Variants in ITPR2 observed in about 807,000 individuals in gnomAD.
ITPR2 encodes the protein inositol 1,4,5-trisphosphate receptor type 2, also known as inositol 1,4,5-trisphosphate-gated calcium channel ITPR2.
In ITPR2, 207 loss-of-function variants were observed where a neutral mutation model predicts 317.1. The observed-to-expected ratio is 0.65, with a 90% CI of 0.58 to 0.73. The LOEUF is 0.73. ITPR2 is among the 30% of genes least tolerant of loss of function. The pLI, the probability that ITPR2 is intolerant of heterozygous loss-of-function variation, is 0.00. For missense variants in ITPR2, 2,613 were observed against 3,284.0 expected, an observed-to-expected ratio of 0.80 and a Z score of 4.99; for synonymous variants, 1,156 against 1,149.1, an observed-to-expected ratio of 1.01 and a Z score of -0.12.
intron 55 of ITPR2, among the ~76,000 whole-genome samples, chr12:26,378,611 G>A (rs1235730109): frequency 6.6e-6 from 1 of 152,200 alleles, no homozygotes. Flanking sequence ...GATTTGCACA[G>A]TCATTTCTGG....
chr12:26,416,247 T>C (rs547682769), intron 50 of ITPR2, among the ~76,000 whole-genome samples: 4 of 152,314 alleles, frequency 2.6e-5, no homozygotes, highest in African/African-American at 9.6e-5. Flanking sequence ...AAGCTATGTG[T>C]TTGCAATCTG....
intron 45 of ITPR2, among the ~76,000 whole-genome samples, chr12:26,457,024 C>T (rs1941905548): frequency 6.6e-6 from 1 of 152,140 alleles, no homozygotes; most frequent in Admixed American, 6.5e-5. Context: ...CCAAATAATG[C>T]TCTAGGCTTT....
At chr12:26,482,932 G>T (rs964639211) in intron 42 of ITPR2, among the ~76,000 whole-genome samples, 4 of 152,154 alleles carry the variant, frequency 2.6e-5, no homozygotes, top group Non-Finnish European at 5.9e-5. Context: ...TTTATGACTT[G>T]AAAACTCTGT....
At chr12:26,622,428 A>G in intron 24 of ITPR2, 23 bp from the exon 25 acceptor site, 1 of 1,564,658 alleles carries the variant, frequency 6.4e-7, no homozygotes, top group Non-Finnish European at 8.7e-7. Flanking sequence ...AAACATTTCT[A>G]AAGTGACTCC....
In ITPR2 at chr12:26,655,736, T is replaced by C; in HGVS notation, c.2561A>G (p.Asp854Gly). 1 of 1,613,432 alleles carries C rather than the reference T, an allele frequency of 6.2e-7. No homozygotes were observed. Among genetic ancestry groups the C allele is most frequent in the Non-Finnish European group, 8.5e-7 (1 of 1,179,644 alleles). ...EVVNQPFPFG[D>G]KEKNKLTFEV... ...AAATGTCAGTTTATTTTTTTCTTTA[T>C]CCCCAAAAGGAAAGGGCTGGTTTAC... Residue 854 changes from aspartate (D) to glycine (G), a missense_variant, in exon 20 of 57, where the codon GAT (aspartate) becomes GGT (glycine). Physicochemically the swap from Asp to Gly is moderately conservative, Grantham distance 94. Around this residue, in one of 9 missense-constraint regions of ITPR2, gnomAD observed 817 missense variants for 897.6 expected, o/e 0.91. Transcript: ENST00000381340.
intron 55 of ITPR2, among the ~76,000 whole-genome samples, chr12:26,353,477 A>T (rs1272486192): frequency 6.6e-6 from 1 of 152,224 alleles, no homozygotes; most frequent in Non-Finnish European, 1.5e-5. Flanking sequence ...GTAGACTCTT[A>T]CAGAGGGGTC....
chr12:26,646,381 A>G (rs1947115161), intron 21 of ITPR2, among the ~76,000 whole-genome samples: 1 of 151,524 alleles, frequency 6.6e-6, no homozygotes, highest in Admixed American at 6.6e-5. Flanking sequence ...TCTCCTTTTT[A>G]ACAGTAACTA....
chr12:26,451,069 A>G lies in ITPR2; in HGVS notation c.6343-7419T>C, dbSNP rs566953443. ...CATATTATCTTGAGCAGATTTTGGT[A>G]TATAACTGGAATGGAAAAAGAAAGA... On this transcript the variant is annotated intron_variant, in intron 45 of 56. Transcript: ENST00000381340. 3.9e-4 allele frequency among the ~76,000 whole-genome samples: 60 copies of G among 152,292 alleles called. No individual in the cohort carries two copies. The Middle Eastern group carries it at 0.034, about 86-fold the overall frequency.
chr12:26,358,009 C>T (rs944346785), intron 55 of ITPR2, among the ~76,000 whole-genome samples: 2 of 152,230 alleles, frequency 1.3e-5, no homozygotes, highest in African/African-American at 4.8e-5. Flanking sequence ...AGCTAGAATA[C>T]ACCCAGAAAC....
chr12:26,398,849 T>C, intron 54 of ITPR2, 27 bp downstream of exon 54: 1 of 1,582,638 alleles, frequency 6.3e-7, no homozygotes, highest in Non-Finnish European at 8.6e-7. Context: ...TATTCATCTA[T>C]TATTTTAGCA....
At chr12:26,622,664 G>A (rs986850161) in intron 24 of ITPR2, among the ~76,000 whole-genome samples, 5 of 152,320 alleles carry the variant, frequency 3.3e-5, no homozygotes, top group Non-Finnish European at 7.3e-5. Flanking sequence ...GGGAAACTGG[G>A]ATGAGTTGGT....
intron 37 of ITPR2, among the ~76,000 whole-genome samples, chr12:26,530,931 T>G (rs1048313816): frequency 3.9e-5 from 6 of 152,192 alleles, no homozygotes; most frequent in Non-Finnish European, 7.3e-5. Context: ...AATCATAAAT[T>G]TTTTCAGAGT....
rs1476639018 is a variant in ITPR2, at chr12:26,336,368, A to G, written c.*3029T>C. The G allele has an allele frequency of 6.6e-6, 1 of 152,196 alleles. No individual in the cohort carries two copies. Among genetic ancestry groups the G allele is most frequent in the Non-Finnish European group, 1.5e-5 (1 of 68,020 alleles). 9.4% of individuals were successfully genotyped at this position (152,196 alleles called of 1,614,324 possible). On this transcript the variant is annotated 3_prime_UTR_variant, in exon 57 of 57. Transcript: ENST00000381340. ...GCTGAGAATATGGGAATAAGCACAC[A>G]ATTAGTTCTGACGAAAGAAATATCT...
intron 37 of ITPR2, among the ~76,000 whole-genome samples, chr12:26,521,785 G>A (rs747567288): frequency 1.3e-5 from 2 of 152,140 alleles, no homozygotes; most frequent in Non-Finnish European, 2.9e-5. Context: ...ATTATGTCAG[G>A]GTAAGGGATT....
At chr12:26,513,262 A>C (rs1448915145) in intron 37 of ITPR2, among the ~76,000 whole-genome samples, 1 of 152,196 alleles carries the variant, frequency 6.6e-6, no homozygotes, top group East Asian at 1.9e-4. Flanking sequence ...GATTTATGAA[A>C]GCCATTTCCA....
intron 54 of ITPR2, among the ~76,000 whole-genome samples, chr12:26,397,093 C>CA (rs375142278): frequency 0.011 from 1,546 of 139,000 alleles, 18 homozygotes; most frequent in Admixed American, 0.026. Context: ...TGCTCTAAAG[C>CA]AAAAAAAAAA....
intron 2 of ITPR2, among the ~76,000 whole-genome samples, chr12:26,742,776 G>A (rs1458520547): frequency 1.3e-5 from 2 of 150,484 alleles, no homozygotes; most frequent in Admixed American, 6.6e-5. Context: ...TCATACCACC[G>A]CACTCCAGCC....
At chr12:26,567,988 ATATATATATTATATATATTATAT>A (rs1565609663) in intron 34 of ITPR2, among the ~76,000 whole-genome samples, 66,687 of 111,774 alleles carry the variant, frequency 0.6, 22,584 homozygotes, top group Non-Finnish European at 0.73. Flanking sequence ...TTATATATAT[ATATATATATTATATATATTATAT>A]ATATATATAT....
intron 15 of ITPR2, among the ~76,000 whole-genome samples, chr12:26,660,928 A>G (rs1248794033): frequency 6.6e-6 from 1 of 151,720 alleles, no homozygotes; most frequent in Admixed American, 6.6e-5. Flanking sequence ...AGAAAAACAA[A>G]GTAATTATAG....
Sources: allele counts gnomAD v4.1 joint callset (sites outside exome capture counted in the v4.1 genomes callset), GRCh38; gene constraint gnomAD v4.1.1; regional missense constraint gnomAD v4.1.1; transcripts MANE v1.5; gene names NCBI Gene and HGNC (gene_info 2026-07-23, HGNC 2026-07-21).